Variants in DTX3 observed in about 807,000 individuals in gnomAD.
DTX3 encodes E3 ubiquitin-protein ligase DTX3.
Under a neutral mutation model 27.4 loss-of-function variants are expected in DTX3, and 10 were observed. The ratio of observed to expected loss-of-function variants is 0.36; its 90% confidence interval spans 0.22 to 0.62. The LOEUF is 0.62. Among genes scored for constraint, DTX3 ranks in the 20% least tolerant of loss-of-function variants. The pLI is 0.68. For missense variants in DTX3, 319 were observed against 463.8 expected (o/e 0.69, Z 2.87); for synonymous variants, 171 against 190.7 (o/e 0.90, Z 0.85).
chr12:57,608,089 A>G lies in DTX3; in HGVS notation c.751-431A>G, dbSNP rs890365002. ...GTGCAATTCTGGCTGCAGAGGGGTG[A>G]AGAAGCTGCACAGAAGAGTGATGGA... On this transcript the variant is annotated intron_variant, in intron 5 of 6. Transcript: ENST00000337737. The surrounding 1 kb of genome is among the most constrained non-coding windows in gnomAD (Gnocchi z 6.1). Among the ~76,000 whole-genome samples the G allele has an allele frequency of 4.6e-5, 7 of 152,334 alleles. No homozygotes were observed. In the South Asian group the frequency reaches 1.5e-3, roughly 32 times the overall value.
In DTX3 at chr12:57,606,503, G is replaced by C. The variant is rs778797097; in HGVS notation, c.-15G>C. 6.2e-7 allele frequency: 1 copy of C among 1,613,942 alleles called. No homozygotes were observed. The highest frequency in any genetic ancestry group is 1.3e-5 in the African/African-American group (1 of 74,914). On this transcript the variant is annotated 5_prime_UTR_variant, in exon 4 of 7. Transcript: ENST00000337737. ...GAGTGAGCCTGCATGCCAATTCTAA[G>C]CTCTTCAGGATCAAAGTAAGCAAAA...
chr12:57,608,728 G>T lies in DTX3; in HGVS notation c.959G>T (p.Gly320Val). ...CACCACAAGACCAGCTGCACAGGGG[G>T]ACCCCAGCTGTGCGACCCCTCTTCA... is the stretch of plus-strand genomic sequence containing the variant. ...DIHHKTSCTG[G>V]PQLFGYPDPT... is the part of the protein sequence containing the mutation. Residue 320 changes from glycine to valine, a missense_variant, in exon 6 of 7, where the codon GGA becomes GTA. Around this residue, in one of 2 missense-constraint regions of DTX3, gnomAD observed 117 missense variants for 258.5 expected, o/e 0.45. Transcript: ENST00000337737. The surrounding 1 kb of genome is among the most constrained non-coding windows in gnomAD (Gnocchi z 6.1). 6.2e-7 allele frequency: 1 copy of T among 1,614,052 alleles called. No individual in the cohort carries two copies. The highest frequency in any genetic ancestry group is 8.5e-7 in the Non-Finnish European group (1 of 1,180,012).
chr12:57,604,952 T>G (rs1454782153), intron 1 of DTX3, 94 bp downstream of exon 1: 5 of 148,232 alleles, frequency 3.4e-5, no homozygotes, highest in African/African-American at 1.2e-4. Context: ...CGCCCCCTCC[T>G]CCACCTCCCC....
At position 57,608,741 on chromosome 12, in the gene DTX3, C is replaced by T. The variant is rs975206203; in HGVS notation, c.968+4C>T. ...GCTGCACAGGGGGACCCCAGCTGTG[C>T]GACCCCTCTTCATTTCCTTTCCCTT... is the stretch of plus-strand genomic sequence containing the variant. On this transcript the variant is annotated splice_donor_region_variant and intron_variant, in intron 6 of 6. Coordinates refer to ENST00000337737, the MANE Select transcript of DTX3 (RefSeq NM_178502.4). This position sits in a 1 kb window ranked among gnomAD's most constrained non-coding sequence, Gnocchi z 6.1. The T allele has an allele frequency of 1.6e-5, 26 of 1,613,724 alleles. No individual in the cohort carries two copies. Among genetic ancestry groups the T allele is most frequent in the Middle Eastern group, 3.3e-4 (2 of 6,082 alleles).
chr12:57,607,274 G>C lies in DTX3; in HGVS notation c.411G>C (p.Gly137=), dbSNP rs1443336634. 6.3e-7 allele frequency: 1 copy of C among 1,576,196 alleles called. No individual in the cohort carries two copies. Among genetic ancestry groups the C allele is most frequent in the East Asian group, 2.3e-5 (1 of 43,098 alleles). ...CACTTCTGCCCCCAGGAGCTCGGGGGCTCCCCCCTCCTCCTCCCCCCCTGC... is the reference window on the plus strand; with the variant it reads ...CACTTCTGCCCCCAGGAGCTCGGGGCCTCCCCCCTCCTCCTCCCCCCCTGC... ...AAPLLPPGAR[G]LPPPPPPLPP... is the part of the protein sequence containing the mutation. The change falls in exon 5 of 7, where the codon GGG becomes GGC. Residue 137 remains glycine (G), a synonymous_variant. Transcript: ENST00000337737. The surrounding 1 kb of genome is among the most constrained non-coding windows in gnomAD (Gnocchi z 7.7).
chr12:57,606,434 C>A lies in DTX3; in HGVS notation c.-75-9C>A. On this transcript the variant is annotated splice_polypyrimidine_tract_variant and intron_variant, in intron 3 of 6. Transcript: ENST00000337737. ...TTCTCACTTTCCTTCCATTTTTCCG[C>A]CCTACCAGGTCACACGACCTACAAG... 1 of 1,602,074 alleles carries A rather than the reference C, an allele frequency of 6.2e-7. No individual in the cohort carries two copies.
chr12:57,606,829 AC>A (rs565380987), intron 4 of DTX3, 35 bp from the exon 5 acceptor site: 5 of 1,561,276 alleles, frequency 3.2e-6, no homozygotes, highest in South Asian at 1.2e-5. Flanking sequence ...TCAAATGGGG[AC>A]CCCCCACCCT....
Position 57,607,166 on chromosome 12 carries a change from G to T in DTX3, c.303G>T (p.Glu101Asp), listed in dbSNP as rs1405471961. 6.2e-7 allele frequency: 1 copy of T among 1,613,950 alleles called. No homozygotes were observed. ...KELKKAQRQGELMGCLALGGG... is the reference protein window; with the variant it reads ...KELKKAQRQGDLMGCLALGGG... The stretch of plus-strand genomic sequence containing the variant: ...TGAAGAAAGCTCAGAGGCAGGGGGA[G>T]CTGATGGGCTGCCTGGCTCTGGGGG... Residue 101 changes from glutamate (E) to aspartate (D), a missense_variant, in exon 5 of 7, where the codon GAG becomes GAT. Transcript: ENST00000337737. The surrounding 1 kb of genome is among the most constrained non-coding windows in gnomAD (Gnocchi z 7.7).
At chr12:57,604,918 C>A (rs1883640875) in intron 1 of DTX3, 60 bp downstream of exon 1, 1 of 151,906 alleles carries the variant, frequency 6.6e-6, no homozygotes, top group African/African-American at 2.4e-5. Flanking sequence ...GCTCGCACCC[C>A]TCACGCGCCC....
At chr12:57,606,660 A>G (rs1883735462) in intron 4 of DTX3, 142 bp downstream of exon 4, 1 of 1,366,140 alleles carries the variant, frequency 7.3e-7, no homozygotes, top group Non-Finnish European at 1.0e-6. Context: ...AGATGATAAT[A>G]TAGCTCTGGA....
Position 57,606,470 on chromosome 12 carries a change from G to A in DTX3, c.-48G>A, listed in dbSNP as rs549134767. 8.1e-6 allele frequency: 13 copies of A among 1,613,540 alleles called. No homozygotes were observed. The South Asian group carries it at 1.1e-4, about 14-fold the overall frequency. ...CACACGACCTACAAGTAGGGAGCAG[G>A]GAAAGAAGAGTGAGCCTGCATGCCA... On this transcript the variant is annotated 5_prime_UTR_variant, in exon 4 of 7. Transcript: ENST00000337737.
In DTX3 at chr12:57,609,228, C is replaced by A. The variant is rs1883905416; in HGVS notation, c.*76C>A. On this transcript the variant is annotated 3_prime_UTR_variant, in exon 7 of 7. Coordinates refer to ENST00000337737, the MANE Select transcript of DTX3 (RefSeq NM_178502.4). The stretch of plus-strand genomic sequence containing the variant: ...GCAGAAGCCTCTTTCTCCTCTCTGC[C>A]CCCTGCCCCCCACACCACACCTGTA... 2.2e-6 allele frequency: 3 copies of A among 1,363,948 alleles called. No homozygotes were observed. Among genetic ancestry groups the A allele is most frequent in the South Asian group, 1.2e-5 (1 of 83,414 alleles). The allele number at this position is 1,363,948 out of a possible 1,614,324, so 84.5% of individuals were successfully genotyped here.
chr12:57,607,348 G>A lies in DTX3; in HGVS notation c.485G>A (p.Ser162Asn). 1 of 1,611,654 alleles carries A rather than the reference G, an allele frequency of 6.2e-7. No individual in the cohort carries two copies. Among genetic ancestry groups the A allele is most frequent in the Non-Finnish European group, 8.5e-7 (1 of 1,178,920 alleles). ...RLREEAEEQE[S>N]TCPICLGEIQ... ...CGGGAGGAGGCAGAAGAGCAGGAGA[G>A]CACCTGCCCCATCTGTCTGGGGGAG... Residue 162 changes from serine to asparagine, a missense_variant, in exon 5 of 7, where the codon AGC becomes AAC. Physicochemically the swap from Ser to Asn is conservative, Grantham distance 46. Coordinates refer to ENST00000337737, the MANE Select transcript of DTX3 (RefSeq NM_178502.4). This position sits in a 1 kb window ranked among gnomAD's most constrained non-coding sequence, Gnocchi z 7.7.
Position 57,608,891 on chromosome 12 carries a change from G to A in DTX3, c.968+154G>A. ...CTCAGTTTCTCCTACATTCAACCTG[G>A]TCCTGGTGTGCCCAGCTTAGCCTAC... On this transcript the variant is annotated intron_variant, in intron 6 of 6. Coordinates refer to ENST00000337737, the MANE Select transcript of DTX3 (RefSeq NM_178502.4). The surrounding 1 kb of genome is among the most constrained non-coding windows in gnomAD (Gnocchi z 6.1). 9.1e-7 allele frequency: 1 copy of A among 1,097,054 alleles called. No individual in the cohort carries two copies. 68.0% of individuals were successfully genotyped at this position (1,097,054 alleles called of 1,614,324 possible).
rs755039624 is a variant in DTX3, at chr12:57,609,193, C to G, written c.*41C>G. Reference sequence around the variant, plus strand: ...CCAAGGCCCCTGCTGTCTGCCTCTACTAGGACCCAGCAGAAGCCTCTTTCT... The same window carrying G: ...CCAAGGCCCCTGCTGTCTGCCTCTAGTAGGACCCAGCAGAAGCCTCTTTCT... On this transcript the variant is annotated 3_prime_UTR_variant, in exon 7 of 7. Transcript: ENST00000337737. 10 of 1,590,374 alleles carry G rather than the reference C, an allele frequency of 6.3e-6. No individual in the cohort carries two copies. In the South Asian group the frequency reaches 8.9e-5, roughly 14 times the overall value.
At chr12:57,606,833 C>T (rs933034501) in intron 4 of DTX3, 32 bp from the exon 5 acceptor site, 19 of 1,573,956 alleles carry the variant, frequency 1.2e-5, no homozygotes, top group Non-Finnish European at 1.6e-5. Context: ...ATGGGGACCC[C>T]CCACCCTGAG....
Position 57,609,453 on chromosome 12 carries a change from A to G in DTX3, c.*301A>G, listed in dbSNP as rs953417991. 6.6e-5 allele frequency: 26 copies of G among 394,524 alleles called. No individual in the cohort carries two copies. Among genetic ancestry groups the G allele is most frequent in the Non-Finnish European group, 9.9e-5 (21 of 211,104 alleles). 24.4% of individuals were successfully genotyped at this position (394,524 alleles called of 1,614,324 possible). ...TCCATTGCCCTTGGCTTTTTCTGGT[A>G]TGTGCTGTGCTCCACGACCAAGCCG... On this transcript the variant is annotated 3_prime_UTR_variant, in exon 7 of 7. Coordinates refer to ENST00000337737, the MANE Select transcript of DTX3 (RefSeq NM_178502.4).
chr12:57,609,185 T>A lies in DTX3; in HGVS notation c.*33T>A, dbSNP rs758319322. The A allele has an allele frequency of 6.2e-7, 1 of 1,605,632 alleles. No homozygotes were observed. The highest frequency in any genetic ancestry group is 2.2e-5 in the East Asian group (1 of 44,830). On this transcript the variant is annotated 3_prime_UTR_variant, in exon 7 of 7. Transcript: ENST00000337737. ...CGCCTTTGCCAAGGCCCCTGCTGTCTGCCTCTACTAGGACCCAGCAGAAGC... is the reference window on the plus strand; with the variant it reads ...CGCCTTTGCCAAGGCCCCTGCTGTCAGCCTCTACTAGGACCCAGCAGAAGC...
chr12:57,605,583 G>A lies in DTX3; in HGVS notation c.-287G>A, dbSNP rs1312274409. 3 of 152,214 alleles carry A rather than the reference G, an allele frequency of 2.0e-5. No homozygotes were observed. Among genetic ancestry groups the A allele is most frequent in the African/African-American group, 7.2e-5 (3 of 41,422 alleles). The allele number at this position is 152,214 out of a possible 1,614,324, so 9.4% of individuals were successfully genotyped here. A position where few individuals can be genotyped will look rare whatever the true frequency, so the allele number is the denominator to read the frequency against. ...CTTTCTGTTTGAGCTGCATTTGGAA[G>A]TGTTGTGGAGACAGCCCCGTAGCCC... On this transcript the variant is annotated 5_prime_UTR_variant, in exon 2 of 7. It adds an upstream start codon to the 5' untranslated region. Transcript: ENST00000337737.
Sources: allele counts gnomAD v4.1 joint callset (sites outside exome capture counted in the v4.1 genomes callset), GRCh38; gene constraint gnomAD v4.1.1; regional missense constraint gnomAD v4.1.1; non-coding constraint Gnocchi (gnomAD v3.1); transcripts MANE v1.5; gene names NCBI Gene and HGNC (gene_info 2026-07-23, HGNC 2026-07-21).